Variants in COL6A6 observed in about 807,000 individuals in gnomAD.
The protein encoded by COL6A6 is collagen alpha-6(VI) chain.
A neutral mutation model predicts 208.6 loss-of-function variants in COL6A6; 183 were observed. The ratio of observed to expected loss-of-function variants is 0.88; its 90% CI spans 0.78 to 0.99. The LOEUF (loss-of-function observed/expected upper bound fraction) is 0.99. COL6A6 is among the 50% of genes least tolerant of loss of function. The pLI is 0.00. For missense variants in COL6A6, 2,816 were observed against 2,815.2 expected, an observed-to-expected ratio of 1.00 and a Z score of -0.01; for synonymous variants, 973 against 1,011.8, an observed-to-expected ratio of 0.96 and a Z score of 0.73.
Position 130,568,181 on chromosome 3 carries a change from C to T in COL6A6, c.1978C>T (p.Gln660Ter), listed in dbSNP as rs747127499. 3.4e-5 allele frequency: 55 copies of T among 1,613,864 alleles called. No homozygotes were observed. The highest frequency in any genetic ancestry group is 8.0e-5 in the African/African-American group (6 of 74,914). ...SKSQIGPDRV[Q>*]IGVVQFSDIN... is the part of the protein sequence containing the mutation. ...GTCTCAGATTGGACCAGATCGGGTGCAAATTGGTGTAGTCCAGTTCAGCGA... is the reference window on the plus strand; with the variant it reads ...GTCTCAGATTGGACCAGATCGGGTGTAAATTGGTGTAGTCCAGTTCAGCGA... The change falls in exon 6 of 37, where the codon CAA becomes TAA. Residue 660 changes from glutamine (Q) to a stop codon, truncating the protein, a stop_gained. Coordinates refer to ENST00000358511, the MANE Select transcript of COL6A6 (RefSeq NM_001102608.3). LOFTEE classifies it high-confidence loss of function.
chr3:130,582,382 G>A (rs955985006), intron 10 of COL6A6, among the ~76,000 whole-genome samples: 1 of 152,034 alleles, frequency 6.6e-6, no homozygotes, highest in East Asian at 1.9e-4. Context: ...GTCTAATATT[G>A]CTACTTCTTT....
At chr3:130,634,665 T>TACTCCTGG in intron 27 of COL6A6, 40 bp downstream of exon 27, 1 of 1,497,174 alleles carries the variant, frequency 6.7e-7, no homozygotes, top group South Asian at 1.2e-5. Flanking sequence ...CAGTCAGAAA[T>TACTCCTGG]ACTCCTGGGG....
intron 2 of COL6A6, among the ~76,000 whole-genome samples, chr3:130,562,062 A>G (rs887438062): frequency 2.6e-5 from 4 of 152,232 alleles, no homozygotes; most frequent in Admixed American, 6.5e-5. Context: ...GACTTGTTCC[A>G]TTATGCTGTA....
At chr3:130,542,575 C>T (rs11920595) in intron 1 of COL6A6, among the ~76,000 whole-genome samples, 122,082 of 152,074 alleles carry the variant, frequency 0.8, 49,759 homozygotes, top group Non-Finnish European at 0.86. Context: ...GCTATGTCCT[C>T]ACTGATTTTC....
rs117168542 is a variant in COL6A6 at position 130,599,744 on chromosome 3, G to T, written c.4600-13G>T. The T allele has an allele frequency of 1.3e-4, 217 of 1,613,576 alleles. 2 individuals carry two copies. The South Asian group carries it at 2.3e-3, about 17-fold the overall frequency. ...CATAATTACCGTCACACATCTGTCT[G>T]TTCCTTTGACAGGGCAGAAGAGGCT... On this transcript the variant is annotated splice_polypyrimidine_tract_variant and intron_variant, in intron 19 of 36. Transcript: ENST00000358511.
At position 130,592,577 on chromosome 3, in the gene COL6A6, G is replaced by A. The variant is rs977116740; in HGVS notation, c.4309G>A (p.Gly1437Ser). ...AGCCCCTGGACCAGTGGGAGAGCAA[G>A]GTACTAAGGGATGCTATGGCACCAA... ...RGAPGPVGEQ[G>S]TKGCYGTKGP... Residue 1437 changes from glycine to serine, a missense_variant, in exon 14 of 37, where the codon GGT becomes AGT. Coordinates refer to ENST00000358511, the MANE Select transcript of COL6A6 (RefSeq NM_001102608.3). 3 of 1,612,166 alleles carry A rather than the reference G, an allele frequency of 1.9e-6. No homozygotes were observed. The highest frequency in any genetic ancestry group is 2.5e-6 in the Non-Finnish European group (3 of 1,178,894).
At chr3:130,599,044 TC>T (rs2063928406) in intron 19 of COL6A6, among the ~76,000 whole-genome samples, 1 of 152,196 alleles carries the variant, frequency 6.6e-6, no homozygotes, top group African/African-American at 2.4e-5. Flanking sequence ...CAGCACTGGG[TC>T]CTATCTCATG....
At chr3:130,544,574 A>G (rs944010788) in intron 1 of COL6A6, among the ~76,000 whole-genome samples, 1 of 152,208 alleles carries the variant, frequency 6.6e-6, no homozygotes, top group African/African-American at 2.4e-5. Context: ...TTGCAGGGTC[A>G]TACGTAGTTC....
intron 26 of COL6A6, 118 bp from the exon 27 acceptor site, chr3:130,634,472 G>T: frequency 1.3e-6 from 1 of 782,598 alleles, no homozygotes; most frequent in Non-Finnish European, 2.1e-6. Flanking sequence ...CAATTGTTTT[G>T]GCCCTTCCTT....
At position 130,621,849 on chromosome 3, in the gene COL6A6, G is replaced by A; in HGVS notation, c.4844G>A (p.Gly1615Glu). The A allele has an allele frequency of 1.9e-6, 3 of 1,613,844 alleles. No individual in the cohort carries two copies. The highest frequency in any genetic ancestry group is 2.5e-6 in the Non-Finnish European group (3 of 1,179,816). Residue 1615 changes from glycine to glutamate, a missense_variant, in exon 24 of 37, where the codon GGG (glycine) becomes GAG (glutamate). Physicochemically the swap from Gly to Glu is moderately conservative, Grantham distance 98. Coordinates refer to ENST00000358511, the MANE Select transcript of COL6A6 (RefSeq NM_001102608.3). Reference protein sequence around the residue: ...QGPPGPGGEAGNQGRLGSQGN... With the variant: ...QGPPGPGGEAENQGRLGSQGN... ...CCTCCAGGACCCGGAGGAGAGGCAG[G>A]GAATCAAGGCCGTTTGGGAAGCCAA...
chr3:130,670,456 A>G (rs2066183889), intron 36 of COL6A6, among the ~76,000 whole-genome samples: 1 of 152,176 alleles, frequency 6.6e-6, no homozygotes, highest in Admixed American at 6.5e-5. Flanking sequence ...GTGAAGTCCA[A>G]TGGGATAATA....
intron 36 of COL6A6, among the ~76,000 whole-genome samples, chr3:130,674,638 T>TC (rs1192234240): frequency 2.0e-5 from 3 of 152,246 alleles, no homozygotes; most frequent in African/African-American, 7.2e-5. Context: ...ATTCATGCTT[T>TC]CATTAGACAA....
chr3:130,613,363 A>G (rs752123125), intron 23 of COL6A6, among the ~76,000 whole-genome samples: 3 of 152,034 alleles, frequency 2.0e-5, no homozygotes, highest in Non-Finnish European at 4.4e-5. Context: ...ATTCTGTTCC[A>G]TTGGTCTAGA....
At chr3:130,523,492 C>T (rs1018155910) in intron 1 of COL6A6, among the ~76,000 whole-genome samples, 3 of 152,168 alleles carry the variant, frequency 2.0e-5, no homozygotes, top group Non-Finnish European at 4.4e-5. Flanking sequence ...AGTCACCTAA[C>T]TTATCTGAAC....
intron 1 of COL6A6, among the ~76,000 whole-genome samples, chr3:130,535,127 TC>T (rs5852598): frequency 0.7 from 106,063 of 151,898 alleles, 41,010 homozygotes; most frequent in Non-Finnish European, 0.87. Context: ...TTCTCTTTTT[TC>T]CCCCTCACTA....
chr3:130,541,313 T>C (rs1436586392), intron 1 of COL6A6, among the ~76,000 whole-genome samples: 1 of 152,240 alleles, frequency 6.6e-6, no homozygotes, highest in African/African-American at 2.4e-5. Flanking sequence ...CTCCATGTCT[T>C]TTCATGGCTT....
chr3:130,612,919 T>C (rs1288738055), intron 23 of COL6A6, among the ~76,000 whole-genome samples: 1 of 152,238 alleles, frequency 6.6e-6, no homozygotes, highest in Admixed American at 6.5e-5. Flanking sequence ...ATTCTAGATA[T>C]CAGACATTTG....
At chr3:130,570,772 G>C (rs1007656618) in intron 6 of COL6A6, 46 bp from the exon 7 acceptor site, 2 of 1,468,434 alleles carry the variant, frequency 1.4e-6, no homozygotes, top group Admixed American at 3.6e-5. Context: ...CTCCCATGCT[G>C]TCCAAAGCTA....
intron 36 of COL6A6, among the ~76,000 whole-genome samples, chr3:130,667,518 C>A (rs939443000): frequency 6.6e-6 from 1 of 152,102 alleles, no homozygotes; most frequent in Non-Finnish European, 1.5e-5. Flanking sequence ...GGATTACAGG[C>A]GTGAGCCACC....
Sources: allele counts gnomAD v4.1 joint callset (sites outside exome capture counted in the v4.1 genomes callset), GRCh38; gene constraint gnomAD v4.1.1; transcripts MANE v1.5; gene names NCBI Gene and HGNC (gene_info 2026-07-23, HGNC 2026-07-21).